The following LUZP2 variants were observed in gnomAD, a reference collection of about 807,000 sequenced individuals.
The protein encoded by LUZP2 is leucine zipper protein 2.
In LUZP2, 52 loss-of-function variants were observed where a neutral mutation model predicts 51.6. That is an observed-to-expected ratio of 1.01 (90% CI 0.81 to 1.27). The LOEUF (loss-of-function observed/expected upper bound fraction) is 1.27. Ranked by LOEUF, LUZP2 falls within the 50% of genes most tolerant of loss-of-function variation. The pLI, the probability that LUZP2 is intolerant of heterozygous loss-of-function variation, is 0.00. For missense variants in LUZP2, 436 were observed against 395.4 expected, an observed-to-expected ratio of 1.10 and a Z score of -0.87; for synonymous variants, 154 against 137.3, an observed-to-expected ratio of 1.12 and a Z score of -0.85.
At chr11:24,669,740 T>C (rs535292185) in intron 1 of LUZP2, among the ~76,000 whole-genome samples, 1 of 152,216 alleles carries the variant, frequency 6.6e-6, no homozygotes, top group African/African-American at 2.4e-5. Context: ...ATTGTGCTTT[T>C]GTACTGTGAT....
intron 1 of LUZP2, among the ~76,000 whole-genome samples, chr11:24,694,562 C>A (rs996030396): frequency 6.6e-6 from 1 of 152,080 alleles, no homozygotes; most frequent in Non-Finnish European, 1.5e-5. Context: ...CCAGCAATCC[C>A]ATTACTGGGT....
chr11:24,671,288 T>C (rs937174417), intron 1 of LUZP2, among the ~76,000 whole-genome samples: 15 of 151,992 alleles, frequency 9.9e-5, no homozygotes, highest in Admixed American at 5.2e-4. Context: ...AGCAGTTTTT[T>C]GTAAATTTTA....
At chr11:24,550,077 T>C (rs1851680393) in intron 1 of LUZP2, among the ~76,000 whole-genome samples, 1 of 152,048 alleles carries the variant, frequency 6.6e-6, no homozygotes, top group Non-Finnish European at 1.5e-5. Context: ...TTATGTGAAA[T>C]CTTTACATGG....
In LUZP2 at chr11:24,521,896, A is replaced by C. The variant is rs116281581; in HGVS notation, c.62+24591A>C. Among the ~76,000 whole-genome samples the C allele has an allele frequency of 9.9e-3, 1,513 of 152,232 alleles. 20 individuals carry two copies. Among genetic ancestry groups the C allele is most frequent in the African/African-American group, 0.032 (1,344 of 41,522 alleles). On this transcript the variant is annotated intron_variant, in intron 1 of 11. Transcript: ENST00000336930. ...ATGTTAGAAACGTTTCATAGCGAGC[A>C]TGCATTTTTTTCTTTGACCACTGAT... is the stretch of plus-strand genomic sequence containing the variant.
At chr11:24,672,339 T>A (rs986760549) in intron 1 of LUZP2, among the ~76,000 whole-genome samples, 3 of 152,186 alleles carry the variant, frequency 2.0e-5, no homozygotes, top group Non-Finnish European at 4.4e-5. Context: ...TTTTTGTGTA[T>A]TTAGTTTATT....
chr11:24,506,662 T>A (rs1477724096), intron 1 of LUZP2, among the ~76,000 whole-genome samples: 1 of 152,124 alleles, frequency 6.6e-6, no homozygotes, highest in Admixed American at 6.6e-5. Flanking sequence ...TTCTGAGGAC[T>A]AATCGTGTGT....
At chr11:24,759,304 T>C (rs996251719) in intron 4 of LUZP2, among the ~76,000 whole-genome samples, 1 of 152,144 alleles carries the variant, frequency 6.6e-6, no homozygotes, top group Non-Finnish European at 1.5e-5. Context: ...GTAAATACAA[T>C]GTATTTTCTG....
At chr11:24,601,975 T>C (rs1301838790) in intron 1 of LUZP2, among the ~76,000 whole-genome samples, 10 of 118,848 alleles carry the variant, frequency 8.4e-5, no homozygotes, top group Non-Finnish European at 1.5e-4. Context: ...TATATGTGTA[T>C]ATGTATATAT....
chr11:24,996,275 T>TTCTC, intron 9 of LUZP2, among the ~76,000 whole-genome samples: 1 of 151,366 alleles, frequency 6.6e-6, no homozygotes, highest in South Asian at 2.1e-4. Flanking sequence ...AATAATACGT[T>TTCTC]TCTCTCTCTC....
chr11:24,576,484 T>C (rs1590200433), intron 1 of LUZP2, among the ~76,000 whole-genome samples: 1 of 151,938 alleles, frequency 6.6e-6, no homozygotes, highest in African/African-American at 2.4e-5. Context: ...TCAATTTTTT[T>C]CTATAATCTA....
chr11:24,749,510 G>A (rs2134005859), intron 4 of LUZP2, among the ~76,000 whole-genome samples: 1 of 152,246 alleles, frequency 6.6e-6, no homozygotes, highest in East Asian at 1.9e-4. Context: ...TGGACTGGGG[G>A]AGAAAGACCT....
intron 5 of LUZP2, among the ~76,000 whole-genome samples, chr11:24,887,176 G>A (rs1033702916): frequency 1.5e-5 from 2 of 132,508 alleles, no homozygotes; most frequent in Non-Finnish European, 3.2e-5. Context: ...AGCCTGCGAA[G>A]CCCCTAGTTT....
chr11:24,759,501 A>G (rs939468961), intron 4 of LUZP2, among the ~76,000 whole-genome samples: 2 of 152,140 alleles, frequency 1.3e-5, no homozygotes, highest in Non-Finnish European at 2.9e-5. Context: ...AACATTTAAT[A>G]ATTATAGTCT....
intron 7 of LUZP2, among the ~76,000 whole-genome samples, chr11:24,946,078 T>G (rs1203949156): frequency 6.6e-6 from 1 of 152,044 alleles, no homozygotes; most frequent in Non-Finnish European, 1.5e-5. Context: ...ATATTGGTAT[T>G]TTGTGACTAG....
chr11:24,711,875 C>T (rs1857840275), intron 1 of LUZP2, among the ~76,000 whole-genome samples: 2 of 152,116 alleles, frequency 1.3e-5, no homozygotes, highest in African/African-American at 4.8e-5. Flanking sequence ...TATGTATATA[C>T]TCCTAGAACC....
chr11:24,534,661 G>C (rs16912761), intron 1 of LUZP2, among the ~76,000 whole-genome samples: 22 of 151,120 alleles, frequency 1.5e-4, no homozygotes, highest in African/African-American at 5.1e-4. Context: ...AGTAAAAATA[G>C]AGATTCCACC....
intron 9 of LUZP2, among the ~76,000 whole-genome samples, chr11:24,989,964 T>G (rs1856290459): frequency 1.3e-5 from 2 of 152,124 alleles, no homozygotes; most frequent in South Asian, 4.1e-4. Flanking sequence ...ACTGGGCACC[T>G]AAATTGCAAT....
intron 9 of LUZP2, among the ~76,000 whole-genome samples, chr11:25,046,157 T>C (rs985674877): frequency 6.6e-6 from 1 of 151,332 alleles, no homozygotes; most frequent in African/African-American, 2.4e-5. Flanking sequence ...ATATCTTGAA[T>C]TGGTCAGGAA....
In LUZP2 at chr11:25,010,057, G is replaced by T. The variant is rs148122971; in HGVS notation, c.765+26764G>T. ...CATTAGTTTGTTAACATTTCTCTTT[G>T]TCAATCCCCATGTGGTACCATTCCA... On this transcript the variant is annotated intron_variant, in intron 9 of 11. Transcript: ENST00000336930. 2.9e-3 allele frequency among the ~76,000 whole-genome samples: 443 copies of T among 152,120 alleles called. 3 individuals carry two copies. Among genetic ancestry groups the T allele is most frequent in the African/African-American group, 0.01 (417 of 41,506 alleles).
Sources: allele counts gnomAD v4.1 joint callset (sites outside exome capture counted in the v4.1 genomes callset), GRCh38; gene constraint gnomAD v4.1.1; transcripts MANE v1.5; gene names NCBI Gene and HGNC (gene_info 2026-07-23, HGNC 2026-07-21).